The following LIMCH1 variants were observed in gnomAD, a reference collection of about 807,000 sequenced individuals.
LIMCH1 encodes the protein LIM and calponin homology domains 1.
LIMCH1 carries 113 observed loss-of-function variants against 176.5 expected under a neutral mutation model. The observed-to-expected ratio is 0.64, with a 90% confidence interval of 0.55 to 0.75. The LOEUF is 0.75. LIMCH1 is among the 30% of genes least tolerant of loss of function. The pLI is 0.00. For synonymous variants in LIMCH1, 619 were observed against 645.9 expected, an observed-to-expected ratio of 0.96 and a Z score of 0.63; for missense variants, 1,674 against 1,814.9, an observed-to-expected ratio of 0.92 and a Z score of 1.41.
chr4:41,410,454 A>T (rs909324933), intron 1 of LIMCH1, among the ~76,000 whole-genome samples: 8 of 152,172 alleles, frequency 5.3e-5, no homozygotes, highest in African/African-American at 1.9e-4. Context: ...GTAGGAAAGA[A>T]TTATTTTTTC....
rs2060401774 is a variant in LIMCH1 at position 41,419,679 on chromosome 4, T to TCCTTCCTC, written c.96+58746_96+58747insTCCTCCCT. On this transcript the variant is annotated intron_variant, in intron 1 of 26. Coordinates refer to the LIMCH1 transcript ENST00000313860. Reference sequence around the variant, plus strand: ...TTCCTTCCTTCCTTCCTTCCTTCCTTCCTCCTTCCTTCCTTCCTTCCTTCC... The same window carrying TCCTTCCTC: ...TTCCTTCCTTCCTTCCTTCCTTCCTTCCTTCCTCCCTCCTTCCTTCCTTCCTTCCTTCC... Among the ~76,000 whole-genome samples, 2 of 46,854 alleles carry TCCTTCCTC rather than the reference T, an allele frequency of 4.3e-5. 1 individual carries two copies. The highest frequency in any genetic ancestry group is 7.5e-5 in the Non-Finnish European group (2 of 26,624). The allele number at this position is 46,854 out of a possible 152,430, so 30.7% of individuals were successfully genotyped here. A position where few individuals can be genotyped will look rare whatever the true frequency, so the allele number is the denominator to read the frequency against.
chr4:41,445,918 A>G (rs1423183398), intron 1 of LIMCH1, among the ~76,000 whole-genome samples: 2 of 152,208 alleles, frequency 1.3e-5, no homozygotes, highest in African/African-American at 4.8e-5. Context: ...AATATATATC[A>G]ACTTAAAGTG....
intron 1 of LIMCH1, among the ~76,000 whole-genome samples, chr4:41,586,401 C>T (rs545335093): frequency 1.1e-4 from 16 of 152,128 alleles, no homozygotes; most frequent in South Asian, 4.2e-4. Context: ...TGAGCCACTG[C>T]GCCTGGCCTA....
In LIMCH1 at chr4:41,699,541, T is replaced by C. The variant is rs1310952926; in HGVS notation, c.*2356T>C. The C allele has an allele frequency of 2.6e-5, 4 of 152,024 alleles. No individual in the cohort carries two copies. The highest frequency in any genetic ancestry group is 9.7e-5 in the African/African-American group (4 of 41,404). 9.4% of individuals were successfully genotyped at this position (152,024 alleles called of 1,614,324 possible). A position where few individuals can be genotyped will look rare whatever the true frequency, so the allele number is the denominator to read the frequency against. ...TGCAGCATAATGAGTATGATCTATT[T>C]CTTTTCAAATAATCTTTGAGATCCC... On this transcript the variant is annotated 3_prime_UTR_variant, in exon 32 of 32. Transcript: ENST00000503057.
In LIMCH1 at chr4:41,644,589, A is replaced by G; in HGVS notation, c.2216A>G (p.Asn739Ser). Residue 739 changes from asparagine (N) to serine (S), a missense_variant, in exon 15 of 32, where the codon AAT becomes AGT. Physicochemically the swap from Asn to Ser is conservative, Grantham distance 46 (BLOSUM62 1). This residue lies in a region of LIMCH1 where 1,015 missense variants were observed against 1,102.5 expected (regional missense o/e 0.92). Coordinates refer to ENST00000503057, the MANE Select transcript of LIMCH1 (RefSeq NM_001330672.2). ...CGCCAGGAGCAGCTGCAGCTGATAAATAACCAGCTGAGGGAAGAGGACGAC... is the reference window on the plus strand; with the variant it reads ...CGCCAGGAGCAGCTGCAGCTGATAAGTAACCAGCTGAGGGAAGAGGACGAC... ...RARQEQLQLI[N>S]NQLREEDDKW... The G allele has an allele frequency of 6.2e-7, 1 of 1,612,530 alleles. No individual in the cohort carries two copies. Among genetic ancestry groups the G allele is most frequent in the Admixed American group, 1.7e-5 (1 of 59,846 alleles).
chr4:41,578,082 C>T lies in LIMCH1; in HGVS notation c.-240-20838C>T, dbSNP rs547195439. Among the ~76,000 whole-genome samples, 22 of 152,294 alleles carry T rather than the reference C, an allele frequency of 1.4e-4. 1 individual carries two copies. In the South Asian group the frequency reaches 4.6e-3, roughly 32 times the overall value. On this transcript the variant is annotated intron_variant, in intron 1 of 31. Transcript: ENST00000503057. ...TTTGGCACCCATTTCTATACCAGCC[C>T]TACAATGCTTACTGAATTATTTTCA...
At chr4:41,405,676 T>G (rs2058885965) in intron 1 of LIMCH1, among the ~76,000 whole-genome samples, 1 of 152,132 alleles carries the variant, frequency 6.6e-6, no homozygotes, top group Non-Finnish European at 1.5e-5. Context: ...AATAAAAGCT[T>G]GTTAAATATT....
At chr4:41,650,630 G>A (rs140471614) in intron 18 of LIMCH1, 22 bp downstream of exon 18, 180 of 1,576,512 alleles carry the variant, frequency 1.1e-4, no homozygotes, top group South Asian at 5.9e-4. Flanking sequence ...ACATTTCCCC[G>A]CCTCCCTTTG....
In LIMCH1 at chr4:41,631,455, T is replaced by G; in HGVS notation, c.1579T>G (p.Phe527Val). The stretch of plus-strand genomic sequence containing the variant: ...TTCCAGCTTAAAGGGCCACCAAATA[T>G]TTAATCGACAAAATGACTGCAGGTA... ...ATSSLKGHQI[F>V]NRQNDCRTMN... Residue 527 changes from phenylalanine (F) to valine (V), a missense_variant, in exon 10 of 32, where the codon TTT (phenylalanine) becomes GTT (valine). This residue lies in a region of LIMCH1 where 655 missense variants were observed against 692.2 expected (regional missense o/e 0.95). Coordinates refer to ENST00000503057, the MANE Select transcript of LIMCH1 (RefSeq NM_001330672.2). 1.3e-6 allele frequency: 2 copies of G among 1,517,746 alleles called. No individual in the cohort carries two copies. The highest frequency in any genetic ancestry group is 1.8e-6 in the Non-Finnish European group (2 of 1,138,402). The allele number at this position is 1,517,746 out of a possible 1,614,324, so 94.0% of individuals were successfully genotyped here. A position where few individuals can be genotyped will look rare whatever the true frequency, so the allele number is the denominator to read the frequency against.
At chr4:41,476,961 T>G (rs1224435002) in intron 1 of LIMCH1, among the ~76,000 whole-genome samples, 1 of 152,172 alleles carries the variant, frequency 6.6e-6, no homozygotes, top group African/African-American at 2.4e-5. Flanking sequence ...ATTACACATT[T>G]TGAGGAAAAG....
intron 1 of LIMCH1, among the ~76,000 whole-genome samples, chr4:41,402,539 C>T (rs1164057454): frequency 2.9e-5 from 4 of 138,134 alleles, no homozygotes; most frequent in Non-Finnish European, 4.6e-5. Context: ...ATGTTTATTG[C>T]GACACTATTC....
At chr4:41,464,366 T>C (rs1434045819) in intron 1 of LIMCH1, among the ~76,000 whole-genome samples, 1 of 149,688 alleles carries the variant, frequency 6.7e-6, no homozygotes, top group Non-Finnish European at 1.5e-5. Context: ...CCTTTTCTTT[T>C]TTTCTTTTTT....
intron 1 of LIMCH1, among the ~76,000 whole-genome samples, chr4:41,364,371 G>A (rs2052639681): frequency 9.1e-6 from 1 of 109,388 alleles, no homozygotes; most frequent in African/African-American, 5.4e-5. Flanking sequence ...TACTGCTATT[G>A]CTATTGTTTT....
At chr4:41,486,261 T>C (rs1180166797) in intron 1 of LIMCH1, among the ~76,000 whole-genome samples, 2 of 152,204 alleles carry the variant, frequency 1.3e-5, no homozygotes, top group Non-Finnish European at 2.9e-5. Flanking sequence ...AAGCTTCCCA[T>C]CCTGCCCTTG....
At chr4:41,623,220 A>G (rs2152833306) in intron 7 of LIMCH1, among the ~76,000 whole-genome samples, 1 of 152,342 alleles carries the variant, frequency 6.6e-6, no homozygotes, top group East Asian at 1.9e-4. Context: ...TCATTGAAAT[A>G]CGCTGATATC....
intron 1 of LIMCH1, among the ~76,000 whole-genome samples, chr4:41,395,909 A>G (rs1464842249): frequency 6.6e-6 from 1 of 152,208 alleles, no homozygotes; most frequent in Non-Finnish European, 1.5e-5. Flanking sequence ...CAGTGGAGAT[A>G]TGGATTATTT....
intron 1 of LIMCH1, among the ~76,000 whole-genome samples, chr4:41,484,530 G>A (rs2069187574): frequency 6.6e-6 from 1 of 152,128 alleles, no homozygotes; most frequent in Non-Finnish European, 1.5e-5. Flanking sequence ...CACAATTTAG[G>A]TATAAAAATA....
intron 1 of LIMCH1, among the ~76,000 whole-genome samples, chr4:41,557,136 G>A (rs1211668116): frequency 6.6e-6 from 1 of 152,100 alleles, no homozygotes; most frequent in African/African-American, 2.4e-5. Flanking sequence ...GACCTTCCTT[G>A]TGTTCTAATG....
chr4:41,631,985 T>TAAATTTATATATAAATTATATAA (rs2093351500), intron 10 of LIMCH1, among the ~76,000 whole-genome samples: 1 of 152,184 alleles, frequency 6.6e-6, no homozygotes, highest in African/African-American at 2.4e-5. Context: ...ATCAGGAGTC[T>TAAATTTATATATAAATTATATAA]TAAAAACCTC....
Sources: allele counts gnomAD v4.1 joint callset (sites outside exome capture counted in the v4.1 genomes callset), GRCh38; gene constraint gnomAD v4.1.1; regional missense constraint gnomAD v4.1.1; transcripts MANE v1.5; gene names NCBI Gene and HGNC (gene_info 2026-07-23, HGNC 2026-07-21).